ANKRD45: variants seen among roughly 807,000 people sequenced by gnomAD.
The protein encoded by ANKRD45 is ankyrin repeat domain 45, also known as ankyrin repeat domain-containing protein 45.
A neutral mutation model predicts 28.1 loss-of-function variants in ANKRD45; 21 were observed. That is an observed-to-expected ratio of 0.75 (90% CI 0.53 to 1.08). ANKRD45 has a LOEUF of 1.08. ANKRD45 is among the 50% of genes least tolerant of loss of function. The probability of loss-of-function intolerance (pLI) is 0.00; values close to 1 mark genes in which losing one functional copy is unlikely to be tolerated. For synonymous variants in ANKRD45, 86 were observed against 103.9 expected (o/e 0.83, Z 1.05); for missense variants, 261 against 308.7 (o/e 0.85, Z 1.16).
intron 4 of ANKRD45, among the ~76,000 whole-genome samples, chr1:173,625,416 T>A (rs1057087667): frequency 6.6e-6 from 1 of 152,188 alleles, no homozygotes; most frequent in African/African-American, 2.4e-5. Flanking sequence ...CTCAAATGGT[T>A]CACAGAAGGA....
chr1:173,610,759 T>A (rs1353407679), intron 5 of ANKRD45, among the ~76,000 whole-genome samples: 2 of 151,690 alleles, frequency 1.3e-5, no homozygotes, highest in African/African-American at 4.8e-5. Flanking sequence ...GAATTCAAGT[T>A]CAGCCTGGGT....
rs764929015 is a variant in ANKRD45, at chr1:173,609,381, G to A, written c.*764C>T. 4.8e-4 allele frequency among the ~76,000 whole-genome samples: 73 copies of A among 152,220 alleles called. No homozygotes were observed. Among genetic ancestry groups the A allele is most frequent in the Middle Eastern group, 3.4e-3 (1 of 294 alleles). ...TAAAACTTTTCCATAAAGTCACAAC[G>A]TAAGAGAAGGTTGAGGCGCCTGATT... On this transcript the variant is annotated 3_prime_UTR_variant, in exon 6 of 6. Transcript: ENST00000333279.
intron 2 of ANKRD45, among the ~76,000 whole-genome samples, chr1:173,649,495 T>C (rs985456977): frequency 6.6e-6 from 1 of 152,172 alleles, no homozygotes; most frequent in Non-Finnish European, 1.5e-5. Flanking sequence ...GAGTTTCTCT[T>C]CCATAAATTG....
chr1:173,676,962 A>T, the ANKRD45 span, among the ~76,000 whole-genome samples: 2 of 151,938 alleles, frequency 1.3e-5, no homozygotes, highest in East Asian at 3.9e-4. Context: ...TGCTTCCTAT[A>T]TAATTTTTAT....
Position 173,608,946 on chromosome 1 carries a change from A to AGGG in ANKRD45, c.*1198_*1199insCCC, listed in dbSNP as rs1667035797. ...AAGGGAGGGGAAGGGAGGGGAAGGG[A>AGGG]GAGGAAGGGAGAGGAAGGAGAAGGG... is the stretch of plus-strand genomic sequence containing the variant. On this transcript the variant is annotated 3_prime_UTR_variant, in exon 6 of 6. Coordinates refer to ENST00000333279, the MANE Select transcript of ANKRD45 (RefSeq NM_198493.3). 1.2e-5 allele frequency among the ~76,000 whole-genome samples: 1 copy of AGGG among 82,656 alleles called. No homozygotes were observed. Among genetic ancestry groups the AGGG allele is most frequent in the African/African-American group, 5.1e-5 (1 of 19,534 alleles). 54.2% of individuals were successfully genotyped at this position (82,656 alleles called of 152,430 possible).
At chr1:173,690,103 A>G in the ANKRD45 span, among the ~76,000 whole-genome samples, 9 of 124,458 alleles carry the variant, frequency 7.2e-5, no homozygotes, top group Non-Finnish European at 1.4e-4. Flanking sequence ...CCTCTTTCAA[A>G]GGGAAGAGGG....
chr1:173,630,191 T>A (rs1668127292), intron 3 of ANKRD45, among the ~76,000 whole-genome samples: 1 of 152,198 alleles, frequency 6.6e-6, no homozygotes, highest in Admixed American at 6.5e-5. Flanking sequence ...GAAAAGGATG[T>A]TAATGAGCCA....
chr1:173,637,078 C>CTAT, intron 3 of ANKRD45: 1 of 1,264,280 alleles, frequency 7.9e-7, no homozygotes, highest in Non-Finnish European at 1.1e-6. Context: ...TTATAGATAT[C>CTAT]ACAAAAGAAA....
the ANKRD45 span, among the ~76,000 whole-genome samples, chr1:173,690,359 G>C: frequency 1.3e-5 from 2 of 151,998 alleles, no homozygotes; most frequent in Admixed American, 1.3e-4. Context: ...GACACTGAGT[G>C]GGGGAAGATA....
chr1:173,713,700 C>T, the ANKRD45 span, among the ~76,000 whole-genome samples: 3 of 151,826 alleles, frequency 2.0e-5, no homozygotes, highest in Admixed American at 2.0e-4. Context: ...CCAGAAACAA[C>T]TCAGTAGGCA....
chr1:173,686,578 T>C, the ANKRD45 span, among the ~76,000 whole-genome samples: 1 of 152,172 alleles, frequency 6.6e-6, no homozygotes, highest in Admixed American at 6.5e-5. Flanking sequence ...GTGGTACCTG[T>C]GCTAAAAGAC....
In ANKRD45 at chr1:173,653,253, C is replaced by G. The variant is rs558857235; in HGVS notation, c.328+5838G>C. Reference sequence around the variant, plus strand: ...GGCATTTAGTGCTATAAATTTTCCTCTACACACTGCTTTAAATGTGTCCCA... The same window carrying G: ...GGCATTTAGTGCTATAAATTTTCCTGTACACACTGCTTTAAATGTGTCCCA... On this transcript the variant is annotated intron_variant, in intron 2 of 5. Transcript: ENST00000333279. Among the ~76,000 whole-genome samples the G allele has an allele frequency of 1.6e-4, 24 of 152,332 alleles. No homozygotes were observed. The South Asian group carries it at 5.0e-3, about 32-fold the overall frequency.
At chr1:173,690,072 C>CT in the ANKRD45 span, among the ~76,000 whole-genome samples, 3 of 112,392 alleles carry the variant, frequency 2.7e-5, no homozygotes, top group Admixed American at 8.1e-5. Context: ...GCCCCCCCCC[C>CT]CCCCGACCTC....
At chr1:173,657,293 C>G in intron 2 of ANKRD45, 1 of 314,282 alleles carries the variant, frequency 3.2e-6, no homozygotes, top group South Asian at 2.4e-5. Flanking sequence ...GTGGCAAAAC[C>G]CCCTCTCCAC....
the ANKRD45 span, among the ~76,000 whole-genome samples, chr1:173,700,303 C>T: frequency 6.6e-6 from 1 of 152,082 alleles, no homozygotes; most frequent in Non-Finnish European, 1.5e-5. Context: ...ACTTTCTTCA[C>T]AGAATTGGAA....
intron 1 of ANKRD45, chr1:173,669,525 G>A (rs1012421444): frequency 1.8e-5 from 8 of 455,000 alleles, no homozygotes; most frequent in Admixed American, 9.5e-5. Flanking sequence ...AAGTGGCAGC[G>A]CCGCCAGGTG....
intron 3 of ANKRD45, among the ~76,000 whole-genome samples, chr1:173,631,793 A>G (rs1208175627): frequency 6.6e-6 from 1 of 152,096 alleles, no homozygotes; most frequent in East Asian, 1.9e-4. Context: ...TCTTGCAACA[A>G]ATGAAAATAG....
the ANKRD45 span, among the ~76,000 whole-genome samples, chr1:173,713,961 G>A: frequency 2.0e-5 from 3 of 152,032 alleles, no homozygotes; most frequent in Non-Finnish European, 4.4e-5. Context: ...TCTGTATCTG[G>A]GCAGCAGGCA....
intron 5 of ANKRD45, among the ~76,000 whole-genome samples, chr1:173,613,053 T>A (rs1452418054): frequency 6.8e-6 from 1 of 146,902 alleles, no homozygotes; most frequent in Non-Finnish European, 1.5e-5. Flanking sequence ...TGGCCGCCCA[T>A]CATCTGGGAT....
Sources: gnomAD v4.1 joint callset for allele counts (sites outside exome capture counted in the v4.1 genomes callset) on GRCh38, gnomAD v4.1.1 for gene constraint, MANE v1.5 for transcripts, NCBI Gene and HGNC (gene_info 2026-07-23, HGNC 2026-07-21) for gene names.